The following NEXMIF variants were observed in gnomAD, a reference collection of about 807,000 sequenced individuals.
NEXMIF encodes the protein XLMR protein related to neurite extension.
A neutral mutation model predicts 62.1 loss-of-function variants in NEXMIF; 8 were observed. The observed-to-expected ratio is 0.13, with a 90% CI of 0.08 to 0.23. NEXMIF has a LOEUF of 0.23. Ranked by LOEUF, NEXMIF falls within the 10% of genes least tolerant of loss-of-function variation. NEXMIF has a pLI of 1.00. For missense variants in NEXMIF, 976 were observed against 1,113.3 expected (o/e 0.88, Z 1.75); for synonymous variants, 404 against 416.6 (o/e 0.97, Z 0.37).
intron 1 of NEXMIF, among the ~76,000 whole-genome samples, chrX:74,918,482 T>C (rs1392055082): frequency 3.6e-5 from 4 of 112,089 alleles, no homozygotes; most frequent in African/African-American, 9.7e-5. Context: ...ATGACAAATA[T>C]TGGGGAGGAA....
intron 1 of NEXMIF, among the ~76,000 whole-genome samples, chrX:74,762,593 A>G (rs2080180447): frequency 9.0e-6 from 1 of 111,621 alleles, no homozygotes; most frequent in African/African-American, 3.3e-5. Context: ...GTGTAAAAGC[A>G]TTCCTATTTC....
chrX:74,786,518 C>T (rs1430698957), intron 1 of NEXMIF, among the ~76,000 whole-genome samples: 1 of 111,403 alleles, frequency 9.0e-6, no homozygotes, highest in Non-Finnish European at 1.9e-5. Context: ...TAGCACACAG[C>T]ATATCACATT....
At chrX:74,763,233 C>T (rs2080183167) in intron 1 of NEXMIF, among the ~76,000 whole-genome samples, 1 of 111,797 alleles carries the variant, frequency 8.9e-6, no homozygotes, top group Admixed American at 9.5e-5. Flanking sequence ...AATCCTTTCC[C>T]CATTGCTTGT....
At chrX:74,768,587 G>A (rs2080201406) in intron 1 of NEXMIF, among the ~76,000 whole-genome samples, 1 of 112,303 alleles carries the variant, frequency 8.9e-6, no homozygotes, top group Non-Finnish European at 1.9e-5. Context: ...CATGTAGACT[G>A]ATAGATTTGT....
intron 1 of NEXMIF, among the ~76,000 whole-genome samples, chrX:74,775,856 T>C (rs1227252420): frequency 9.0e-6 from 1 of 111,364 alleles, no homozygotes; most frequent in African/African-American, 3.3e-5. Flanking sequence ...AGTAGGCTCA[T>C]TGCTAAATTA....
At chrX:74,800,987 C>T (rs1026407700) in intron 1 of NEXMIF, among the ~76,000 whole-genome samples, 28 of 111,391 alleles carry the variant, frequency 2.5e-4, no homozygotes, top group African/African-American at 9.1e-4. Context: ...CTCTCTCTTC[C>T]CCCAAAACAC....
At position 74,733,148 on chromosome X, in the gene NEXMIF, T is replaced by C. The variant is rs192262979; in HGVS notation, c.*6257A>G. The C allele has an allele frequency of 3.6e-5, 4 of 111,855 alleles. No homozygotes were observed. Among genetic ancestry groups the C allele is most frequent in the Non-Finnish European group, 5.6e-5 (3 of 53,153 alleles). 9.2% of individuals were successfully genotyped at this position (111,855 alleles called of 1,213,427 possible). A position where few individuals can be genotyped will look rare whatever the true frequency, so the allele number is the denominator to read the frequency against. On this transcript the variant is annotated 3_prime_UTR_variant, in exon 4 of 4. Transcript: ENST00000055682. ...TTGGTGTAGGGCTTGGAATTTCGCA[T>C]TCCTAACAAGTTCCCAGATGATGGC...
intron 1 of NEXMIF, among the ~76,000 whole-genome samples, chrX:74,924,052 C>T (rs1461149089): frequency 8.9e-6 from 1 of 112,049 alleles, no homozygotes; most frequent in Non-Finnish European, 1.9e-5. Context: ...ATCAGACAGA[C>T]AGAAGCAGTC....
Position 74,742,464 on chromosome X carries a change from T to A in NEXMIF, c.2093A>T (p.Asp698Val), listed in dbSNP as rs1225690006. The A allele has an allele frequency of 8.3e-7, 1 of 1,209,893 alleles. No homozygotes were observed. The highest frequency in any genetic ancestry group is 1.1e-6 in the Non-Finnish European group (1 of 894,550). The change falls in exon 3 of 4, where the codon GAC (aspartate) becomes GTC (valine). Residue 698 changes from aspartate to valine, a missense_variant. Asp to Val is a radical substitution (Grantham distance 152). Coordinates refer to ENST00000055682, the MANE Select transcript of NEXMIF (RefSeq NM_001008537.3). Reference sequence around the variant, plus strand: ...GTCTTGGGCTTTGACTTTCACTGAGTCAGGGCCTGTGATGTCATTTAAATG... The same window carrying A: ...GTCTTGGGCTTTGACTTTCACTGAGACAGGGCCTGTGATGTCATTTAAATG... ...GSHLNDITGPDSVKVKAQDTE... is the reference protein window; with the variant it reads ...GSHLNDITGPVSVKVKAQDTE...
intron 1 of NEXMIF, among the ~76,000 whole-genome samples, chrX:74,857,112 G>A (rs1311839090): frequency 8.9e-6 from 1 of 112,062 alleles, no homozygotes; most frequent in Admixed American, 9.4e-5. Flanking sequence ...CAACTCCTAG[G>A]TGAGTATGTA....
At chrX:74,754,597 G>A (rs955582562) in intron 1 of NEXMIF, among the ~76,000 whole-genome samples, 1 of 110,919 alleles carries the variant, frequency 9.0e-6, no homozygotes, top group Admixed American at 9.7e-5. Context: ...GTGAGTCACC[G>A]CACCCAGCCT....
intron 1 of NEXMIF, among the ~76,000 whole-genome samples, chrX:74,820,663 G>A (rs1357628396): frequency 8.9e-6 from 1 of 111,970 alleles, no homozygotes; most frequent in African/African-American, 3.2e-5. Context: ...GGAATACTAT[G>A]CATCCATAAA....
At chrX:74,832,895 T>C (rs2080442906) in intron 1 of NEXMIF, among the ~76,000 whole-genome samples, 2 of 112,077 alleles carry the variant, frequency 1.8e-5, no homozygotes, top group Admixed American at 9.5e-5. Flanking sequence ...AGGAAGAACA[T>C]TGTTTAGTTT....
At chrX:74,902,795 A>G (rs1265493231) in intron 1 of NEXMIF, among the ~76,000 whole-genome samples, 1 of 112,075 alleles carries the variant, frequency 8.9e-6, no homozygotes, top group East Asian at 2.8e-4. Context: ...TAGGCAAAAA[A>G]TGGCAAGGTT....
At chrX:74,853,628 T>A (rs1469696142) in intron 1 of NEXMIF, among the ~76,000 whole-genome samples, 2 of 110,671 alleles carry the variant, frequency 1.8e-5, no homozygotes, top group Admixed American at 1.9e-4. Flanking sequence ...AAAGAAAAAT[T>A]ACACTGGGAG....
At chrX:74,913,070 C>A (rs2080795790) in intron 1 of NEXMIF, among the ~76,000 whole-genome samples, 1 of 111,686 alleles carries the variant, frequency 9.0e-6, no homozygotes, top group African/African-American at 3.3e-5. Context: ...CTTATCATAC[C>A]AATGACCAGA....
intron 1 of NEXMIF, among the ~76,000 whole-genome samples, chrX:74,884,372 C>T (rs1252435753): frequency 9.0e-6 from 1 of 111,504 alleles, no homozygotes; most frequent in Admixed American, 9.5e-5. Context: ...AGAGTCAAGA[C>T]CCATCAGTGT....
intron 1 of NEXMIF, among the ~76,000 whole-genome samples, chrX:74,853,144 C>T (rs993977920): frequency 4.6e-5 from 5 of 109,389 alleles, no homozygotes; most frequent in South Asian, 4.0e-4. Flanking sequence ...GATTTAGGAG[C>T]GGAAAGTTTA....
In NEXMIF at chrX:74,749,115, C is replaced by T. The variant is rs1020490948; in HGVS notation, c.-47-3418G>A. Among the ~76,000 whole-genome samples the T allele has an allele frequency of 8.1e-5, 9 of 111,240 alleles. No individual in the cohort carries two copies. In the East Asian group the frequency reaches 2.3e-3, roughly 28 times the overall value. The stretch of plus-strand genomic sequence containing the variant: ...CTACAAACAAATTGTAAGTATAATA[C>T]ACTGAAAGAGGGGCAGAAAGTTGCT... On this transcript the variant is annotated intron_variant, in intron 1 of 3. Transcript: ENST00000055682.
Sources: gnomAD v4.1 joint callset for allele counts (sites outside exome capture counted in the v4.1 genomes callset) on GRCh38, gnomAD v4.1.1 for gene constraint, MANE v1.5 for transcripts, NCBI Gene and HGNC (gene_info 2026-07-23, HGNC 2026-07-21) for gene names.